The following ASAP1 variants were observed in gnomAD, a reference collection of about 807,000 sequenced individuals.
ASAP1 encodes arf-GAP with SH3 domain, ANK repeat and PH domain-containing protein 1.
A neutral mutation model predicts 145.2 loss-of-function variants in ASAP1; 43 were observed. The ratio of observed to expected loss-of-function variants is 0.30; its 90% CI spans 0.23 to 0.38. The LOEUF (loss-of-function observed/expected upper bound fraction) is 0.38. ASAP1 is among the 10% of genes least tolerant of loss of function. The pLI is 1.00. For synonymous variants in ASAP1, 546 were observed against 515.5 expected (o/e 1.06, Z -0.80); for missense variants, 1,018 against 1,355.3 (o/e 0.75, Z 3.91).
chr8:130,428,421 C>T (rs78805487), intron 1 of ASAP1, among the ~76,000 whole-genome samples: 32 of 1,012 alleles, frequency 0.032, no homozygotes, highest in Non-Finnish European at 0.046. Flanking sequence ...ACCACCATCA[C>T]CATCATCATC....
chr8:130,278,796 C>T (rs1821079350), intron 3 of ASAP1, among the ~76,000 whole-genome samples: 1 of 152,194 alleles, frequency 6.6e-6, no homozygotes, highest in Non-Finnish European at 1.5e-5. Context: ...AACATCTACT[C>T]ACCGTACCCA....
chr8:130,185,729 C>CAAAAA (rs778486303), intron 7 of ASAP1, among the ~76,000 whole-genome samples: 170 of 57,028 alleles, frequency 3.0e-3, no homozygotes, highest in African/African-American at 9.3e-3. Context: ...AACTCCGCCT[C>CAAAAA]AAAAAAAAAA....
chr8:130,430,496 C>G (rs1054082633), intron 1 of ASAP1, among the ~76,000 whole-genome samples: 13 of 152,152 alleles, frequency 8.5e-5, no homozygotes, highest in African/African-American at 2.9e-4. Flanking sequence ...TCGGTCTGAG[C>G]AGTTGAAACG....
intron 23 of ASAP1, among the ~76,000 whole-genome samples, chr8:130,113,281 T>A (rs1244359497): frequency 1.3e-5 from 2 of 152,114 alleles, no homozygotes; most frequent in Non-Finnish European, 2.9e-5. Flanking sequence ...CTTCTCTCCA[T>A]TCCTCCGACA....
intron 1 of ASAP1, among the ~76,000 whole-genome samples, chr8:130,419,185 C>T (rs936684550): frequency 3.3e-5 from 5 of 152,186 alleles, no homozygotes; most frequent in Admixed American, 6.5e-5. Flanking sequence ...CCCAAGGACA[C>T]GGCGCTATGG....
chr8:130,400,879 T>C (rs539864816), intron 2 of ASAP1, among the ~76,000 whole-genome samples: 5 of 152,150 alleles, frequency 3.3e-5, no homozygotes, highest in South Asian at 2.1e-4. Flanking sequence ...AAAATGAATG[T>C]AGAAATTCTT....
chr8:130,357,038 T>C (rs1318339482), intron 3 of ASAP1, among the ~76,000 whole-genome samples: 2 of 152,240 alleles, frequency 1.3e-5, no homozygotes, highest in Non-Finnish European at 2.9e-5. Context: ...GGATGCTTTA[T>C]GGCACTTATT....
intron 5 of ASAP1, among the ~76,000 whole-genome samples, chr8:130,197,028 C>T (rs1254667996): frequency 1.3e-5 from 2 of 152,244 alleles, no homozygotes; most frequent in Admixed American, 1.3e-4. Flanking sequence ...AGGCATGTGG[C>T]CACTCATCAC....
chr8:130,219,070 T>C (rs1453558710), intron 4 of ASAP1, among the ~76,000 whole-genome samples: 1 of 152,184 alleles, frequency 6.6e-6, no homozygotes, highest in Non-Finnish European at 1.5e-5. Context: ...GTGCTTAAAA[T>C]AGTGTCTGGC....
chr8:130,120,676 A>T (rs1321421936), intron 18 of ASAP1, among the ~76,000 whole-genome samples: 2 of 152,310 alleles, frequency 1.3e-5, no homozygotes, highest in East Asian at 3.9e-4. Flanking sequence ...GATGCCACGC[A>T]ATTATTTGGA....
intron 1 of ASAP1, among the ~76,000 whole-genome samples, chr8:130,424,386 T>C (rs911908874): frequency 6.6e-5 from 10 of 152,246 alleles, no homozygotes; most frequent in African/African-American, 9.6e-5. Flanking sequence ...CTCTGCCATG[T>C]AGACAAGCCT....
intron 12 of ASAP1, among the ~76,000 whole-genome samples, chr8:130,156,506 C>T (rs1586466650): frequency 6.6e-6 from 1 of 152,166 alleles, no homozygotes; most frequent in Non-Finnish European, 1.5e-5. Flanking sequence ...CTGCCTCATA[C>T]ACTAGAGTAT....
chr8:130,217,319 T>G (rs892726305), intron 4 of ASAP1, among the ~76,000 whole-genome samples: 1 of 152,154 alleles, frequency 6.6e-6, no homozygotes, highest in Non-Finnish European at 1.5e-5. Context: ...TTGGTTTTTT[T>G]TGGTCATATT....
intron 25 of ASAP1, among the ~76,000 whole-genome samples, chr8:130,086,966 T>C (rs148053558): frequency 5.9e-5 from 9 of 152,186 alleles, no homozygotes; most frequent in Admixed American, 5.2e-4. Context: ...TCAGCTGCCT[T>C]GCTTATTTCC....
chr8:130,314,107 G>C (rs980898916), intron 3 of ASAP1, among the ~76,000 whole-genome samples: 2 of 152,152 alleles, frequency 1.3e-5, no homozygotes, highest in African/African-American at 4.8e-5. Flanking sequence ...GGTCAGAAAA[G>C]GCCATTTTTA....
chr8:130,399,991 G>C (rs1161115780), intron 2 of ASAP1, among the ~76,000 whole-genome samples: 1 of 152,062 alleles, frequency 6.6e-6, no homozygotes, highest in Admixed American at 6.6e-5. Context: ...AGCTAATTTT[G>C]TCTTTTTTAG....
rs567065756 is a variant in ASAP1 at position 130,368,092 on chromosome 8, C to G, written c.60-9949G>C. ...CAAGTCTCTACAATTGCTAGCAAACCTTCTGAGACAGCATCCAGCTTCTGT... is the reference window on the plus strand; with the variant it reads ...CAAGTCTCTACAATTGCTAGCAAACGTTCTGAGACAGCATCCAGCTTCTGT... On this transcript the variant is annotated intron_variant, in intron 2 of 29. Transcript: ENST00000518721. Among the ~76,000 whole-genome samples, 7 of 152,176 alleles carry G rather than the reference C, an allele frequency of 4.6e-5. No homozygotes were observed. In the South Asian group the frequency reaches 1.5e-3, roughly 32 times the overall value.
At chr8:130,410,794 G>A (rs34676374) in intron 1 of ASAP1, among the ~76,000 whole-genome samples, 49,475 of 152,086 alleles carry the variant, frequency 0.33, 8,824 homozygotes, top group African/African-American at 0.46. Flanking sequence ...ATTCCAACAC[G>A]GGCTCTCCCA....
intron 27 of ASAP1, among the ~76,000 whole-genome samples, chr8:130,072,828 C>CGCGCGCGA: frequency 3.6e-5 from 1 of 27,686 alleles, no homozygotes; most frequent in Non-Finnish European, 6.4e-5. Context: ...TGTGTGTGCG[C>CGCGCGCGA]GCGGGGGGGG....
Sources: gnomAD v4.1 joint callset for allele counts (sites outside exome capture counted in the v4.1 genomes callset) on GRCh38, gnomAD v4.1.1 for gene constraint, MANE v1.5 for transcripts, NCBI Gene and HGNC (gene_info 2026-07-23, HGNC 2026-07-21) for gene names.